Variants in GPR17 observed in about 807,000 individuals in gnomAD.
GPR17 encodes G protein-coupled receptor 17.
A neutral mutation model predicts 1.5 loss-of-function variants in GPR17; 4 were observed. The observed-to-expected ratio is 2.73, with a 90% CI of 1.35 to 6.25. The LOEUF is 6.25. Ranked by LOEUF, GPR17 falls within the 30% of genes most tolerant of loss-of-function variation. The pLI is 0.00. For synonymous variants in GPR17, 209 were observed against 207.6 expected (o/e 1.01, Z -0.06); for missense variants, 463 against 462.1 (o/e 1.00, Z -0.02).
At chr2:127,650,517 C>T in intron 1 of GPR17, 199 bp from the exon 2 acceptor site, 2 of 582,546 alleles carry the variant, frequency 3.4e-6, no homozygotes, top group South Asian at 2.2e-5. Flanking sequence ...CTGCGTTTGC[C>T]TTGTGCTGAA....
chr2:127,646,550 G>A (rs1683004876), intron 1 of GPR17: 1 of 152,324 alleles, frequency 6.6e-6, no homozygotes, highest in Admixed American at 6.5e-5. Context: ...AGATGCCTGG[G>A]AGAGGGCTCG....
chr2:127,649,157 GAGGAAGGTAGGA>G (rs1180615353), intron 1 of GPR17, among the ~76,000 whole-genome samples: 1 of 73,862 alleles, frequency 1.4e-5, no homozygotes, highest in Non-Finnish European at 3.0e-5. Context: ...GTGAGAGAGA[GAGGAAGGTAGGA>G]AGGAAGGAAG....
rs1371981111 is a variant in GPR17 at position 127,652,026 on chromosome 2, G to A, written c.*271G>A. ...TCTGTGGCAGGGAGAGAGGAGGCCG[G>A]AAGAACAACCCCTGAACAATGGAGG... On this transcript the variant is annotated 3_prime_UTR_variant, in exon 2 of 2. Coordinates refer to ENST00000486700, the MANE Select transcript of GPR17 (RefSeq NM_001161417.2). 5.8e-6 allele frequency: 3 copies of A among 517,596 alleles called. No homozygotes were observed. Among genetic ancestry groups the A allele is most frequent in the East Asian group, 6.4e-5 (2 of 31,288 alleles). 32.1% of individuals were successfully genotyped at this position (517,596 alleles called of 1,614,324 possible).
chr2:127,647,296 G>A lies in GPR17; in HGVS notation c.-21+1052G>A, dbSNP rs527466363. Among the ~76,000 whole-genome samples the A allele has an allele frequency of 6.6e-6, 1 of 152,282 alleles. No homozygotes were observed. On this transcript the variant is annotated intron_variant, in intron 1 of 1. Transcript: ENST00000486700. The surrounding 1 kb of genome is among the most constrained non-coding windows in gnomAD (Gnocchi z 4.3). ...CAACTCCATGGCAAACTCTGAGACTGAGTCACACTCCCCACCCTGGCGGTC... is the reference window on the plus strand; with the variant it reads ...CAACTCCATGGCAAACTCTGAGACTAAGTCACACTCCCCACCCTGGCGGTC...
Position 127,651,491 on chromosome 2 carries a change from C to T in GPR17, c.756C>T (p.His252=), listed in dbSNP as rs758362503. Residue 252 remains histidine (H), a synonymous_variant, in exon 2 of 2, where the codon CAC becomes CAT. Transcript: ENST00000486700. The stretch of plus-strand genomic sequence containing the variant: ...TCCTGGTCTGCTTCGTGCCCTACCA[C>T]GTCAACCGCTCCGTCTACGTGCTGC... ...AIFLVCFVPY[H]VNRSVYVLHY... 3.1e-6 allele frequency: 5 copies of T among 1,612,808 alleles called. No homozygotes were observed. The highest frequency in any genetic ancestry group is 2.2e-5 in the East Asian group (1 of 44,894).
chr2:127,648,963 A>AGGGGGGGAGGGGAG (rs1683307938), intron 1 of GPR17, among the ~76,000 whole-genome samples: 1 of 12,520 alleles, frequency 8.0e-5, no homozygotes, highest in African/African-American at 3.4e-4. Context: ...AGGGGAGGGG[A>AGGGGGGGAGGGGAG]GGGGGGGAGG....
In GPR17 at chr2:127,650,952, C is replaced by T; in HGVS notation, c.217C>T (p.Leu73=). Residue 73 remains leucine, a synonymous_variant, in exon 2 of 2, where the codon CTG becomes TTG. Transcript: ENST00000486700. The part of the protein sequence containing the change: ...GTPANVFLMH[L]AVADLSCVLV... The stretch of plus-strand genomic sequence containing the variant: ...CCCGGCCAACGTGTTCCTGATGCAT[C>T]TGGCCGTGGCCGACTTGTCGTGCGT... The T allele has an allele frequency of 6.2e-7, 1 of 1,613,934 alleles. No homozygotes were observed. Among genetic ancestry groups the T allele is most frequent in the Non-Finnish European group, 8.5e-7 (1 of 1,180,048 alleles).
Position 127,650,398 on chromosome 2 carries a change from T to G in GPR17, c.-20-318T>G, listed in dbSNP as rs187622673. Reference sequence around the variant, plus strand: ...GAGCCTCACCCAGGCAAGGCTCACGTCCCATTCCCCGCCATGGCACTGACC... The same window carrying G: ...GAGCCTCACCCAGGCAAGGCTCACGGCCCATTCCCCGCCATGGCACTGACC... On this transcript the variant is annotated intron_variant, in intron 1 of 1. Coordinates refer to ENST00000486700, the MANE Select transcript of GPR17 (RefSeq NM_001161417.2). 524 of 533,448 alleles carry G rather than the reference T, an allele frequency of 9.8e-4. 3 individuals are homozygous for G. Among genetic ancestry groups the G allele is most frequent in the East Asian group, 1.5e-3 (46 of 31,368 alleles). 33.0% of individuals were successfully genotyped at this position (533,448 alleles called of 1,614,324 possible). A position where few individuals can be genotyped will look rare whatever the true frequency, so the allele number is the denominator to read the frequency against.
intron 1 of GPR17, chr2:127,650,033 G>A: frequency 6.2e-7 from 1 of 1,608,798 alleles, no homozygotes; most frequent in Non-Finnish European, 8.5e-7. Flanking sequence ...GAGTTGGTGG[G>A]CTGGATCCAG....
In GPR17 at chr2:127,650,823, G is replaced by A. The variant is rs1262378811; in HGVS notation, c.88G>A (p.Glu30Lys). 1 of 1,613,922 alleles carries A rather than the reference G, an allele frequency of 6.2e-7. No homozygotes were observed. The highest frequency in any genetic ancestry group is 1.3e-5 in the African/African-American group (1 of 74,940). ...AEQCGQETPL[E>K]NMLFASFYLL... ...GCAATGTGGCCAGGAGACGCCACTG[G>A]AGAACATGCTGTTCGCCTCCTTCTA... Residue 30 changes from glutamate (E) to lysine (K), a missense_variant, in exon 2 of 2, where the codon GAG becomes AAG. Glu to Lys is a moderately conservative substitution (Grantham distance 56, BLOSUM62 1). Transcript: ENST00000486700.
Position 127,651,211 on chromosome 2 carries a change from T to C in GPR17, c.476T>C (p.Val159Ala), listed in dbSNP as rs1245270311. 5 of 1,609,844 alleles carry C rather than the reference T, an allele frequency of 3.1e-6. No homozygotes were observed. Among genetic ancestry groups the C allele is most frequent in the Non-Finnish European group, 4.2e-6 (5 of 1,179,650 alleles). The change falls in exon 2 of 2, where the codon GTG (valine) becomes GCG (alanine). Residue 159 changes from valine (V) to alanine (A), a missense_variant. Coordinates refer to ENST00000486700, the MANE Select transcript of GPR17 (RefSeq NM_001161417.2). ...HLACAFLWVV[V>A]AVAMAPLLVS... Reference sequence around the variant, plus strand: ...GCCTGTGCCTTCCTGTGGGTGGTGGTGGCTGTGGCCATGGCCCCGCTGCTG... The same window carrying C: ...GCCTGTGCCTTCCTGTGGGTGGTGGCGGCTGTGGCCATGGCCCCGCTGCTG...
At position 127,651,648 on chromosome 2, in the gene GPR17, C is replaced by T. The variant is rs138095474; in HGVS notation, c.913C>T (p.Arg305Cys). Residue 305 changes from arginine (R) to cysteine (C), a missense_variant, in exon 2 of 2, where the codon CGC (arginine) becomes TGC (cysteine). By Grantham distance (180) the Arg-to-Cys change is radical. Coordinates refer to ENST00000486700, the MANE Select transcript of GPR17 (RefSeq NM_001161417.2). ...IMYFFVAEKF[R>C]HALCNLLCGK... Reference sequence around the variant, plus strand: ...GTATTTCTTCGTGGCTGAGAAGTTCCGCCACGCCCTGTGCAACTTGCTCTG... The same window carrying T: ...GTATTTCTTCGTGGCTGAGAAGTTCTGCCACGCCCTGTGCAACTTGCTCTG... 5.1e-5 allele frequency: 83 copies of T among 1,613,354 alleles called. No homozygotes were observed. Among genetic ancestry groups the T allele is most frequent in the Non-Finnish European group, 6.4e-5 (76 of 1,180,038 alleles).
chr2:127,648,597 T>G (rs1037251787), intron 1 of GPR17, among the ~76,000 whole-genome samples: 8 of 152,056 alleles, frequency 5.3e-5, no homozygotes, highest in Non-Finnish European at 8.8e-5. Flanking sequence ...GAGACAGCCC[T>G]GTGGAATCAG....
chr2:127,646,435 C>T (rs1682990426), intron 1 of GPR17, 191 bp downstream of exon 1: 1 of 152,394 alleles, frequency 6.6e-6, no homozygotes, highest in Non-Finnish European at 1.5e-5. Context: ...TGTTTCGTCC[C>T]TCTGATGGGG....
At chr2:127,648,478 C>G (rs1339410289) in intron 1 of GPR17, among the ~76,000 whole-genome samples, 1 of 152,168 alleles carries the variant, frequency 6.6e-6, no homozygotes, top group African/African-American at 2.4e-5. Flanking sequence ...AGGGCCACCA[C>G]CATGCCTGCT....
chr2:127,647,020 G>C lies in GPR17; in HGVS notation c.-21+776G>C, dbSNP rs575689682. Among the ~76,000 whole-genome samples the C allele has an allele frequency of 2.2e-4, 34 of 152,276 alleles. No homozygotes were observed. Among genetic ancestry groups the C allele is most frequent in the Non-Finnish European group, 2.8e-4 (19 of 68,006 alleles). On this transcript the variant is annotated intron_variant, in intron 1 of 1. Coordinates refer to ENST00000486700, the MANE Select transcript of GPR17 (RefSeq NM_001161417.2). This position sits in a 1 kb window ranked among gnomAD's most constrained non-coding sequence, Gnocchi z 4.3. ...AGCGAGGGGCACGCCCTTCGGCCCGGGCAGGAAGTGGAGGGCAGTGCCCAG... is the reference window on the plus strand; with the variant it reads ...AGCGAGGGGCACGCCCTTCGGCCCGCGCAGGAAGTGGAGGGCAGTGCCCAG...
At chr2:127,650,245 G>A (rs573006323) in intron 1 of GPR17, among the ~76,000 whole-genome samples, 29 of 152,272 alleles carry the variant, frequency 1.9e-4, no homozygotes, top group Admixed American at 1.6e-3. Context: ...CAGGCACTCA[G>A]GATGAACAGA....
At chr2:127,646,860 C>T (rs1406555925) in intron 1 of GPR17, among the ~76,000 whole-genome samples, 4 of 152,238 alleles carry the variant, frequency 2.6e-5, no homozygotes, top group Admixed American at 6.5e-5. Context: ...GAGAGTGAAG[C>T]GGGGCCCATC....
At chr2:127,649,926 A>C in intron 1 of GPR17, 1 of 1,138,168 alleles carries the variant, frequency 8.8e-7, no homozygotes, top group Non-Finnish European at 1.3e-6. Context: ...CTGGTGGTGG[A>C]TCTACTCTGG....
Sources: gnomAD v4.1 joint callset for allele counts (sites outside exome capture counted in the v4.1 genomes callset) on GRCh38, gnomAD v4.1.1 for gene constraint, Gnocchi (gnomAD v3.1) non-coding constraint, MANE v1.5 for transcripts, NCBI Gene and HGNC (gene_info 2026-07-23, HGNC 2026-07-21) for gene names.